Variants in CARMIL1 observed in about 807,000 individuals in gnomAD.
CARMIL1 encodes the protein F-actin-uncapping protein LRRC16A.
CARMIL1 carries 90 observed loss-of-function variants against 177.1 expected under a neutral mutation model. The observed-to-expected ratio is 0.51, with a 90% CI of 0.43 to 0.61. The LOEUF (loss-of-function observed/expected upper bound fraction) is 0.61, where lower values mean the gene tolerates loss of function less well. Among genes scored for constraint, CARMIL1 ranks in the 20% least tolerant of loss-of-function variants. The pLI, the probability that CARMIL1 is intolerant of heterozygous loss-of-function variation, is 0.00. For missense variants in CARMIL1, 1,380 were observed against 1,667.0 expected, an observed-to-expected ratio of 0.83 and a Z score of 3.00; for synonymous variants, 577 against 606.2, an observed-to-expected ratio of 0.95 and a Z score of 0.71.
intron 2 of CARMIL1, among the ~76,000 whole-genome samples, chr6:25,361,450 A>G (rs1789186999): frequency 6.6e-6 from 1 of 151,646 alleles, no homozygotes; most frequent in African/African-American, 2.4e-5. Context: ...TCCAAAATTC[A>G]TTTATATGAC....
chr6:25,342,568 G>A (rs922343488), intron 2 of CARMIL1, among the ~76,000 whole-genome samples: 1 of 152,060 alleles, frequency 6.6e-6, no homozygotes, highest in Non-Finnish European at 1.5e-5. Flanking sequence ...TATAGGAAGG[G>A]CTAAGTGTAT....
intron 16 of CARMIL1, among the ~76,000 whole-genome samples, chr6:25,497,205 G>A (rs1343927940): frequency 6.6e-6 from 1 of 152,210 alleles, no homozygotes; most frequent in African/African-American, 2.4e-5. Flanking sequence ...AGGTTTATGT[G>A]TGAGAGGGTG....
chr6:25,289,242 C>A (rs376471874), intron 2 of CARMIL1, among the ~76,000 whole-genome samples: 30 of 152,232 alleles, frequency 2.0e-4, no homozygotes, highest in African/African-American at 6.3e-4. Context: ...ATACCTTTCT[C>A]TGTTGTCTTT....
intron 23 of CARMIL1, among the ~76,000 whole-genome samples, chr6:25,521,681 A>G (rs1806574778): frequency 6.6e-6 from 1 of 151,140 alleles, no homozygotes; most frequent in Non-Finnish European, 1.5e-5. Flanking sequence ...AGGCAGGAGA[A>G]TGGCGTGAAC....
intron 32 of CARMIL1, among the ~76,000 whole-genome samples, chr6:25,595,948 T>A (rs923657640): frequency 6.6e-6 from 1 of 152,212 alleles, no homozygotes; most frequent in African/African-American, 2.4e-5. Context: ...TAGTGATGGT[T>A]AAATGAATGG....
At chr6:25,299,197 G>A (rs1782665411) in intron 2 of CARMIL1, among the ~76,000 whole-genome samples, 1 of 143,608 alleles carries the variant, frequency 7.0e-6, no homozygotes, top group African/African-American at 2.6e-5. Context: ...TTGGGAAAGA[G>A]TCTCACTCTG....
chr6:25,520,894 TTCCC>T (rs1806487798), intron 23 of CARMIL1, among the ~76,000 whole-genome samples: 1 of 152,194 alleles, frequency 6.6e-6, no homozygotes, highest in African/African-American at 2.4e-5. Flanking sequence ...CTCTGAATCA[TTCCC>T]TTGCTCTTCC....
chr6:25,421,936 G>T (rs1445540295), intron 3 of CARMIL1, among the ~76,000 whole-genome samples: 1 of 150,116 alleles, frequency 6.7e-6, no homozygotes, highest in African/African-American at 2.5e-5. Context: ...CGAGTTAATG[G>T]GTGCAGCACA....
rs1815301434 is a variant in CARMIL1 at position 25,600,623 on chromosome 6, G to A, written c.3429G>A (p.Val1143=). The change falls in exon 33 of 37, where the codon GTG becomes GTA. Residue 1143 remains valine, a synonymous_variant. Transcript: ENST00000329474. ...EESQGEEIGK[V]ERSDSKSSPQ... ...GTCAAGGGGAAGAAATAGGGAAGGT[G>A]GAACGGAGTGACAGCAAGAGCAGCC... 6.2e-7 allele frequency: 1 copy of A among 1,613,968 alleles called. No individual in the cohort carries two copies. Among genetic ancestry groups the A allele is most frequent in the Non-Finnish European group, 8.5e-7 (1 of 1,179,880 alleles).
intron 28 of CARMIL1, among the ~76,000 whole-genome samples, chr6:25,555,472 C>T (rs1002506754): frequency 2.2e-4 from 34 of 152,146 alleles, no homozygotes; most frequent in African/African-American, 7.0e-4. Flanking sequence ...GCGATCTTGG[C>T]TCACTGCAAC....
chr6:25,405,401 T>C (rs190372801), intron 2 of CARMIL1, among the ~76,000 whole-genome samples: 1 of 152,272 alleles, frequency 6.6e-6, no homozygotes, highest in African/African-American at 2.4e-5. Flanking sequence ...CATCCTTTAT[T>C]GATTATTTAG....
chr6:25,410,907 T>TA (rs1177803085), intron 2 of CARMIL1, among the ~76,000 whole-genome samples: 1 of 152,152 alleles, frequency 6.6e-6, no homozygotes, highest in Non-Finnish European at 1.5e-5. Context: ...TCCTCATCTG[T>TA]AAAATAAAGG....
At chr6:25,582,739 G>A (rs115089286) in intron 31 of CARMIL1, among the ~76,000 whole-genome samples, 60 of 152,030 alleles carry the variant, frequency 3.9e-4, no homozygotes, top group African/African-American at 1.3e-3. Flanking sequence ...TCTCTACTAC[G>A]TCTCTGTAAC....
intron 11 of CARMIL1, among the ~76,000 whole-genome samples, chr6:25,481,060 T>C (rs1420627018): frequency 6.6e-6 from 1 of 152,086 alleles, no homozygotes; most frequent in Non-Finnish European, 1.5e-5. Flanking sequence ...TTAACAGTTA[T>C]TCTGTCTTCC....
chr6:25,359,706 TG>T (rs1788991080), intron 2 of CARMIL1, among the ~76,000 whole-genome samples: 1 of 152,214 alleles, frequency 6.6e-6, no homozygotes, highest in African/African-American at 2.4e-5. Flanking sequence ...TCATTTCCTG[TG>T]GGTGCACTGA....
intron 8 of CARMIL1, among the ~76,000 whole-genome samples, chr6:25,451,406 AGT>A (rs1393382947): frequency 6.6e-6 from 1 of 152,172 alleles, no homozygotes; most frequent in Non-Finnish European, 1.5e-5. Flanking sequence ...TTTAGTTCAG[AGT>A]TTATGAATTG....
chr6:25,342,368 T>C (rs1240380423), intron 2 of CARMIL1, among the ~76,000 whole-genome samples: 2 of 152,174 alleles, frequency 1.3e-5, no homozygotes, highest in Non-Finnish European at 2.9e-5. Flanking sequence ...GGCTGGATGC[T>C]CACCTGCTTT....
chr6:25,613,730 C>G (rs924954913), intron 36 of CARMIL1, among the ~76,000 whole-genome samples: 1 of 152,202 alleles, frequency 6.6e-6, no homozygotes, highest in African/African-American at 2.4e-5. Context: ...ATCTTAGTAT[C>G]TGTAAGGAAT....
At chr6:25,327,456 A>G (rs2150260609) in intron 2 of CARMIL1, among the ~76,000 whole-genome samples, 1 of 152,368 alleles carries the variant, frequency 6.6e-6, no homozygotes, top group East Asian at 1.9e-4. Flanking sequence ...CTTGATTTCC[A>G]TCACAGGTTT....
Sources: gnomAD v4.1 joint callset for allele counts (sites outside exome capture counted in the v4.1 genomes callset) on GRCh38, gnomAD v4.1.1 for gene constraint, MANE v1.5 for transcripts, NCBI Gene and HGNC (gene_info 2026-07-23, HGNC 2026-07-21) for gene names.